Variants in PRKCE observed in about 807,000 individuals in gnomAD.
PRKCE encodes protein kinase C epsilon type.
A neutral mutation model predicts 85.4 loss-of-function variants in PRKCE; 16 were observed. The observed-to-expected ratio is 0.19, with a 90% CI of 0.13 to 0.28. The LOEUF (loss-of-function observed/expected upper bound fraction) is 0.28, where lower values mean the gene tolerates loss of function less well. Among genes scored for constraint, PRKCE ranks in the 10% least tolerant of loss-of-function variants. PRKCE has a pLI of 1.00. For missense variants in PRKCE, 573 were observed against 975.2 expected (o/e 0.59, Z 5.49); for synonymous variants, 388 against 371.5 (o/e 1.04, Z -0.51).
At chr2:45,917,868 C>T (rs570849981) in intron 2 of PRKCE, among the ~76,000 whole-genome samples, 42 of 152,246 alleles carry the variant, frequency 2.8e-4, no homozygotes, top group Non-Finnish European at 2.6e-4. Context: ...GCCCGTGGGC[C>T]GGCACTGCTG....
intron 1 of PRKCE, among the ~76,000 whole-genome samples, chr2:45,789,089 G>A (rs951511910): frequency 6.6e-6 from 1 of 152,114 alleles, no homozygotes; most frequent in Non-Finnish European, 1.5e-5. Flanking sequence ...CTGAAGACTT[G>A]TGTCTTTTAA....
intron 1 of PRKCE, among the ~76,000 whole-genome samples, chr2:45,725,181 G>A (rs191196328): frequency 2.6e-5 from 4 of 152,212 alleles, no homozygotes; most frequent in Non-Finnish European, 2.9e-5. Flanking sequence ...TATTCTGCTC[G>A]TGCTCTGTCA....
intron 10 of PRKCE, among the ~76,000 whole-genome samples, chr2:46,074,636 C>T (rs1383423784): frequency 6.6e-6 from 1 of 152,086 alleles, no homozygotes; most frequent in Admixed American, 6.5e-5. Flanking sequence ...TCTGTTGGTA[C>T]AGGAACTGAT....
intron 2 of PRKCE, among the ~76,000 whole-genome samples, chr2:45,943,012 G>A (rs1004106547): frequency 6.6e-6 from 1 of 152,126 alleles, no homozygotes. Context: ...ACAAATACAT[G>A]TGATCATAAT....
intron 10 of PRKCE, among the ~76,000 whole-genome samples, chr2:46,063,237 A>G (rs188096895): frequency 1.3e-5 from 2 of 152,212 alleles, no homozygotes; most frequent in East Asian, 3.9e-4. Context: ...AAGGACCTAA[A>G]ATGCTTTAGG....
chr2:46,148,228 T>C (rs1422215404), intron 12 of PRKCE, among the ~76,000 whole-genome samples: 1 of 152,222 alleles, frequency 6.6e-6, no homozygotes, highest in African/African-American at 2.4e-5. Context: ...CCCTTCTCCC[T>C]TCTCCCGAGC....
At chr2:45,963,285 G>A (rs1350410410) in intron 2 of PRKCE, among the ~76,000 whole-genome samples, 1 of 151,980 alleles carries the variant, frequency 6.6e-6, no homozygotes, top group East Asian at 1.9e-4. Flanking sequence ...AGACTGGGTG[G>A]CATAATAATC....
intron 14 of PRKCE, among the ~76,000 whole-genome samples, chr2:46,177,313 T>C (rs531179193): frequency 3.7e-4 from 56 of 152,214 alleles, no homozygotes; most frequent in Non-Finnish European, 6.5e-4. Context: ...TTGGAGTTTG[T>C]ATTAGTTGCC....
rs1380920545 is a variant in PRKCE at position 45,905,228 on chromosome 2, T to C, written c.412+62165T>C. 6.6e-6 allele frequency among the ~76,000 whole-genome samples: 1 copy of C among 152,204 alleles called. No homozygotes were observed. Among genetic ancestry groups the C allele is most frequent in the Non-Finnish European group, 1.5e-5 (1 of 68,030 alleles). ...CTTATGGCCAAGCCTCAGGAACCTCTTGGCTGGCTCTCCAACATAGCCCAC... is the reference window on the plus strand; with the variant it reads ...CTTATGGCCAAGCCTCAGGAACCTCCTGGCTGGCTCTCCAACATAGCCCAC... On this transcript the variant is annotated intron_variant, in intron 2 of 14. Coordinates refer to ENST00000306156, the MANE Select transcript of PRKCE (RefSeq NM_005400.3). This position sits in a 1 kb window ranked among gnomAD's most constrained non-coding sequence, Gnocchi z 4.4.
At chr2:45,815,614 C>T (rs1688981347) in intron 1 of PRKCE, among the ~76,000 whole-genome samples, 1 of 152,194 alleles carries the variant, frequency 6.6e-6, no homozygotes, top group Non-Finnish European at 1.5e-5. Context: ...AGTACAAATC[C>T]CTCAGGCAAA....
chr2:45,998,983 C>A (rs921122003), intron 6 of PRKCE, among the ~76,000 whole-genome samples: 1 of 152,134 alleles, frequency 6.6e-6, no homozygotes, highest in African/African-American at 2.4e-5. Context: ...TTCCTCCCTG[C>A]CATCCTTGTC....
At position 45,989,285 on chromosome 2, in the gene PRKCE, C is replaced by T. The variant is rs116233129; in HGVS notation, c.823+4605C>T. On this transcript the variant is annotated intron_variant, in intron 6 of 14. Transcript: ENST00000306156. The stretch of plus-strand genomic sequence containing the variant: ...TCCTAAAGAATCTTCTTCCTCGCTC[C>T]TGCCTCTCTCTGACACACATCTTAA... Among the ~76,000 whole-genome samples, 604 of 152,340 alleles carry T rather than the reference C, an allele frequency of 4.0e-3. 3 individuals carry two copies. Among genetic ancestry groups the T allele is most frequent in the African/African-American group, 0.014 (584 of 41,576 alleles).
In PRKCE at chr2:46,022,557, G is replaced by A. The variant is rs575935228; in HGVS notation, c.1437+12040G>A. ...GCAATGGGCTTCACCCATGTAACCC[G>A]AATTTTTCAAAGCTCAATTCAGCAA... is the stretch of plus-strand genomic sequence containing the variant. On this transcript the variant is annotated intron_variant, in intron 10 of 14. Coordinates refer to ENST00000306156, the MANE Select transcript of PRKCE (RefSeq NM_005400.3). Among the ~76,000 whole-genome samples the A allele has an allele frequency of 7.2e-4, 109 of 152,308 alleles. 4 individuals are homozygous for A. In the South Asian group the frequency reaches 0.021, roughly 29 times the overall value.
chr2:45,690,755 T>G (rs746404783), intron 1 of PRKCE, among the ~76,000 whole-genome samples: 3 of 152,238 alleles, frequency 2.0e-5, no homozygotes, highest in Non-Finnish European at 4.4e-5. Flanking sequence ...CCTCTCTGTA[T>G]AATGATCTGA....
chr2:45,973,384 C>T (rs1306930369), intron 2 of PRKCE, among the ~76,000 whole-genome samples: 1 of 152,228 alleles, frequency 6.6e-6, no homozygotes, highest in Non-Finnish European at 1.5e-5. Context: ...CTGTCACCTG[C>T]TTTGTAGCTT....
intron 10 of PRKCE, among the ~76,000 whole-genome samples, chr2:46,039,709 G>T (rs1392299751): frequency 1.3e-5 from 2 of 152,140 alleles, no homozygotes; most frequent in Non-Finnish European, 2.9e-5. Context: ...TGTTTTTCCT[G>T]TTGTTTATTC....
intron 11 of PRKCE, among the ~76,000 whole-genome samples, chr2:46,121,332 T>G (rs1038730166): frequency 1.3e-5 from 2 of 152,170 alleles, no homozygotes; most frequent in Non-Finnish European, 2.9e-5. Flanking sequence ...TTATGGCCTC[T>G]TGGGGCCAGA....
chr2:45,832,433 C>G (rs1458689571), intron 1 of PRKCE, among the ~76,000 whole-genome samples: 1 of 151,866 alleles, frequency 6.6e-6, no homozygotes, highest in Non-Finnish European at 1.5e-5. Flanking sequence ...CTGCCTCAGC[C>G]TCCCTAGTAG....
chr2:45,880,530 C>G (rs955374320), intron 2 of PRKCE, among the ~76,000 whole-genome samples: 1 of 152,100 alleles, frequency 6.6e-6, no homozygotes, highest in Non-Finnish European at 1.5e-5. Context: ...TTTTATAACC[C>G]TATTTTTTTC....
Sources: allele counts gnomAD v4.1 joint callset (sites outside exome capture counted in the v4.1 genomes callset), GRCh38; gene constraint gnomAD v4.1.1; non-coding constraint Gnocchi (gnomAD v3.1); transcripts MANE v1.5; gene names NCBI Gene and HGNC (gene_info 2026-07-23, HGNC 2026-07-21).